The following NRBP2 variants were observed in gnomAD, a reference collection of about 807,000 sequenced individuals.
NRBP2 encodes the protein nuclear receptor-binding protein 2.
In NRBP2, 47 loss-of-function variants were observed where a neutral mutation model predicts 74.4. That is an observed-to-expected ratio of 0.63 (90% CI 0.50 to 0.81). The LOEUF (loss-of-function observed/expected upper bound fraction) is 0.81. Among genes scored for constraint, NRBP2 ranks in the 30% least tolerant of loss-of-function variants. The pLI, the probability that NRBP2 is intolerant of heterozygous loss-of-function variation, is 0.00. For missense variants in NRBP2, 613 were observed against 690.1 expected (o/e 0.89, Z 1.25); for synonymous variants, 312 against 273.8 (o/e 1.14, Z -1.38).
At chr8:143,832,853 AT>A (rs1268955456), downstream of NRBP2, among the ~76,000 whole-genome samples, 2 of 152,058 alleles carry the variant, frequency 1.3e-5, no homozygotes, top group African/African-American at 4.8e-5. Context: ...GGGTCCCCTT[AT>A]TTCTTTCTCT....
At chr8:143,832,872 T>A (rs1269358263), downstream of NRBP2, among the ~76,000 whole-genome samples, 3 of 152,240 alleles carry the variant, frequency 2.0e-5, no homozygotes, top group African/African-American at 4.8e-5. Flanking sequence ...TCTATACTTT[T>A]GTCTCTGTGT....
chr8:143,829,806 CG>C (rs1245895345), downstream of NRBP2: 1 of 152,932 alleles, frequency 6.5e-6, no homozygotes, highest in Non-Finnish European at 1.5e-5. Flanking sequence ...TCCCTGGGAC[CG>C]GGAGGCCCCG....
chr8:143,831,948 C>T (rs1281951257), downstream of NRBP2, among the ~76,000 whole-genome samples: 2 of 152,226 alleles, frequency 1.3e-5, no homozygotes, highest in Non-Finnish European at 2.9e-5. Flanking sequence ...CTTTTTGTAG[C>T]TAGTCGCACT....
intron 10 of NRBP2, 49 bp downstream of exon 10, chr8:143,838,631 T>G: frequency 7.1e-7 from 1 of 1,406,554 alleles, no homozygotes; most frequent in Non-Finnish European, 9.9e-7. Flanking sequence ...TTGCTAGCCC[T>G]AGCTGAGCAC....
rs782382732 is a variant in NRBP2, at chr8:143,836,016, C to T, written c.1332G>A (p.Leu444=). ...DKARWHLTLL[L]VLEDRLHRQL... The stretch of plus-strand genomic sequence containing the variant: ...GCCGGTGCAGCCGGTCTTCCAGCAC[C>T]AGAAGCAGAGTGAGCTGGGGAGGCG... Residue 444 remains leucine, a synonymous_variant, in exon 16 of 18, where the codon CTG becomes CTA. Transcript: ENST00000442628. 1.9e-6 allele frequency: 3 copies of T among 1,575,890 alleles called. No individual in the cohort carries two copies. The highest frequency in any genetic ancestry group is 3.5e-5 in the Admixed American group (2 of 56,530).
Position 143,840,258 on chromosome 8 carries a change from C to T in NRBP2, c.130-29G>A, listed in dbSNP as rs1818636042. 6.5e-7 allele frequency: 1 copy of T among 1,535,324 alleles called. No individual in the cohort carries two copies. The highest frequency in any genetic ancestry group is 8.7e-7 in the Non-Finnish European group (1 of 1,146,468). ...GGGGTGAATAAAGGGTTATGTGTGC[C>T]CTGGTGTGTGTCAGGGTTGTGGGTG... On this transcript the variant is annotated intron_variant, in intron 1 of 17. Transcript: ENST00000442628. The surrounding 1 kb of genome is among the most constrained non-coding windows in gnomAD (Gnocchi z 5.7).
chr8:143,839,300 T>C lies in NRBP2; in HGVS notation c.580+14A>G. Reference sequence around the variant, plus strand: ...CCTGCCCCGTTCCCCCACCCAGCCCTGCCCCGCCAGCACCGGAGCCGATCT... The same window carrying C: ...CCTGCCCCGTTCCCCCACCCAGCCCCGCCCCGCCAGCACCGGAGCCGATCT... On this transcript the variant is annotated intron_variant, in intron 6 of 17. Coordinates refer to ENST00000442628, the MANE Select transcript of NRBP2 (RefSeq NM_178564.4). The surrounding 1 kb of genome is among the most constrained non-coding windows in gnomAD (Gnocchi z 5.1). The C allele has an allele frequency of 2.3e-6, 2 of 856,870 alleles. No homozygotes were observed. Among genetic ancestry groups the C allele is most frequent in the Non-Finnish European group, 3.4e-6 (2 of 584,976 alleles). 53.1% of individuals were successfully genotyped at this position (856,870 alleles called of 1,614,324 possible).
Position 143,835,232 on chromosome 8 carries a change from G to A in NRBP2, c.*430C>T. ...TGGGTCTATGGTGCCAGCAGGGGAT[G>A]GCTGCTCTCCCAGACCCCATGGAGC... is the stretch of plus-strand genomic sequence containing the variant. On this transcript the variant is annotated 3_prime_UTR_variant, in exon 18 of 18. Transcript: ENST00000442628. The surrounding 1 kb of genome is among the most constrained non-coding windows in gnomAD (Gnocchi z 4.9). 2 of 210,352 alleles carry A rather than the reference G, an allele frequency of 9.5e-6. No homozygotes were observed. The highest frequency in any genetic ancestry group is 1.3e-4 in the South Asian group (2 of 15,008). 13.0% of individuals were successfully genotyped at this position (210,352 alleles called of 1,614,324 possible). A position where few individuals can be genotyped will look rare whatever the true frequency, so the allele number is the denominator to read the frequency against.
chr8:143,838,565 G>A lies in NRBP2; in HGVS notation c.840+115C>T, dbSNP rs1554652529. On this transcript the variant is annotated intron_variant, in intron 10 of 17. Transcript: ENST00000442628. Reference sequence around the variant, plus strand: ...CTCTTTGGGAGGGGTGCAGTCAGCTGGTATACCCCTCAACTGCACAAACTG... The same window carrying A: ...CTCTTTGGGAGGGGTGCAGTCAGCTAGTATACCCCTCAACTGCACAAACTG... 7.9e-6 allele frequency: 6 copies of A among 755,234 alleles called. No homozygotes were observed. The African/African-American group carries it at 8.6e-5, about 11-fold the overall frequency. The allele number at this position is 755,234 out of a possible 1,614,324, so 46.8% of individuals were successfully genotyped here. A position where few individuals can be genotyped will look rare whatever the true frequency, so the allele number is the denominator to read the frequency against.
rs1554652973 is a variant in NRBP2, at chr8:143,839,420, G to A, written c.486-12C>T. 6.4e-7 allele frequency: 1 copy of A among 1,554,122 alleles called. No homozygotes were observed. Among genetic ancestry groups the A allele is most frequent in the South Asian group, 1.2e-5 (1 of 85,430 alleles). On this transcript the variant is annotated splice_polypyrimidine_tract_variant and intron_variant, in intron 5 of 17. Coordinates refer to ENST00000442628, the MANE Select transcript of NRBP2 (RefSeq NM_178564.4). The surrounding 1 kb of genome is among the most constrained non-coding windows in gnomAD (Gnocchi z 5.1). ...AGGCGTGCAGGAAGCTGCAGACGTTGGGGAGGGGAGAGTAGGAGGAGCCGG... is the reference window on the plus strand; with the variant it reads ...AGGCGTGCAGGAAGCTGCAGACGTTAGGGAGGGGAGAGTAGGAGGAGCCGG...
chr8:143,837,707 C>G lies in NRBP2; in HGVS notation c.889G>C (p.Ala297Pro). ...LARDPARRPSAHSLLFHRVLF... is the reference protein window; with the variant it reads ...LARDPARRPSPHSLLFHRVLF... ...ACGCGGTGGAAGAGGAGGCTGTGGG[C>G]AGAGGGCCGGCGGGCAGGGTCCCGG... Residue 297 changes from alanine (A) to proline (P), a missense_variant, in exon 11 of 18, where the codon GCC becomes CCC. Physicochemically the swap from Ala to Pro is conservative, Grantham distance 27. Transcript: ENST00000442628. This position sits in a 1 kb window ranked among gnomAD's most constrained non-coding sequence, Gnocchi z 4.3. 2 of 1,568,050 alleles carry G rather than the reference C, an allele frequency of 1.3e-6. No homozygotes were observed. The highest frequency in any genetic ancestry group is 1.7e-6 in the Non-Finnish European group (2 of 1,156,034).
chr8:143,835,316 G>C lies in NRBP2; in HGVS notation c.*346C>G. On this transcript the variant is annotated 3_prime_UTR_variant, in exon 18 of 18. Coordinates refer to ENST00000442628, the MANE Select transcript of NRBP2 (RefSeq NM_178564.4). This position sits in a 1 kb window ranked among gnomAD's most constrained non-coding sequence, Gnocchi z 4.9. ...CCTCACCCCCAAGCCCCAGAGCTGGGGTTCCCTACAGGGCAGCCTCCTGCA... is the reference window on the plus strand; with the variant it reads ...CCTCACCCCCAAGCCCCAGAGCTGGCGTTCCCTACAGGGCAGCCTCCTGCA... 2.5e-6 allele frequency: 1 copy of C among 403,426 alleles called. No homozygotes were observed. 25.0% of individuals were successfully genotyped at this position (403,426 alleles called of 1,614,324 possible).
Position 143,840,718 on chromosome 8 carries a change from C to A in NRBP2, c.117G>T (p.Lys39Asn). The change falls in exon 1 of 18, where the codon AAG becomes AAT. Residue 39 changes from lysine to asparagine, a missense_variant. Transcript: ENST00000442628. This position sits in a 1 kb window ranked among gnomAD's most constrained non-coding sequence, Gnocchi z 5.7. ...CCCCCGCGCCCACCTGCTCCCGTCGCTTTTGCCAGCGACCACACGGGCTTT... is the reference window on the plus strand; with the variant it reads ...CCCCCGCGCCCACCTGCTCCCGTCGATTTTGCCAGCGACCACACGGGCTTT... The part of the protein sequence containing the change: ...LEESPCGRWQ[K>N]RREQVNQGNM... The A allele has an allele frequency of 6.6e-7, 1 of 1,509,932 alleles. No homozygotes were observed. Among genetic ancestry groups the A allele is most frequent in the Non-Finnish European group, 8.8e-7 (1 of 1,134,638 alleles). The allele number at this position is 1,509,932 out of a possible 1,614,324, so 93.5% of individuals were successfully genotyped here. A position where few individuals can be genotyped will look rare whatever the true frequency, so the allele number is the denominator to read the frequency against.
rs781970600 is a variant in NRBP2, at chr8:143,838,951, G to A, written c.689-13C>T. ...CCATCGGCCACCTCTGAACAGAAGA[G>A]AGCACAGGACACGTAGGAGAGAAGC... On this transcript the variant is annotated splice_polypyrimidine_tract_variant and intron_variant, in intron 8 of 17. Coordinates refer to ENST00000442628, the MANE Select transcript of NRBP2 (RefSeq NM_178564.4). 71 of 1,598,816 alleles carry A rather than the reference G, an allele frequency of 4.4e-5. No homozygotes were observed. The highest frequency in any genetic ancestry group is 6.0e-5 in the Non-Finnish European group (70 of 1,172,546).
In NRBP2 at chr8:143,840,167, C is replaced by T. The variant is rs1205330340; in HGVS notation, c.192G>A (p.Gly64=). 2.0e-6 allele frequency: 3 copies of T among 1,536,160 alleles called. No homozygotes were observed. Among genetic ancestry groups the T allele is most frequent in the Non-Finnish European group, 2.6e-6 (3 of 1,146,906 alleles). The part of the protein sequence containing the change: ...STFLAMDTEE[G]VEVVWNELHF... ...GGAGCTCGTTCCACACCACCTCTACCCCCTCCTCCGTGTCCATGGCTAGGA... is the reference window on the plus strand; with the variant it reads ...GGAGCTCGTTCCACACCACCTCTACTCCCTCCTCCGTGTCCATGGCTAGGA... The change falls in exon 2 of 18, where the codon GGG becomes GGA. Residue 64 remains glycine (G), a synonymous_variant. Transcript: ENST00000442628. This position sits in a 1 kb window ranked among gnomAD's most constrained non-coding sequence, Gnocchi z 5.7.
In NRBP2 at chr8:143,836,046, G is replaced by C. The variant is rs1381365652; in HGVS notation, c.1318-16C>G. ...GCAGAGTGAGCTGGGGAGGCGGCGG[G>C]GCGTGGTCGGCTGGGGGTTCAGGGC... On this transcript the variant is annotated splice_polypyrimidine_tract_variant and intron_variant, in intron 15 of 17. Transcript: ENST00000442628. The C allele has an allele frequency of 2.8e-5, 44 of 1,562,826 alleles. No homozygotes were observed. The highest frequency in any genetic ancestry group is 3.7e-5 in the Non-Finnish European group (43 of 1,157,216).
In NRBP2 at chr8:143,837,205, A is replaced by T. The variant is rs1013606084; in HGVS notation, c.1128-31T>A. 1.9e-6 allele frequency: 3 copies of T among 1,613,876 alleles called. No individual in the cohort carries two copies. The highest frequency in any genetic ancestry group is 2.5e-6 in the Non-Finnish European group (3 of 1,179,962). On this transcript the variant is annotated intron_variant, in intron 13 of 17. Coordinates refer to ENST00000442628, the MANE Select transcript of NRBP2 (RefSeq NM_178564.4). The surrounding 1 kb of genome is among the most constrained non-coding windows in gnomAD (Gnocchi z 4.3). ...GACACAACAGGGTGGCTGGGGGTTC[A>T]GGCCTGACAGCTGCCTGGCCCCCAA...
downstream of NRBP2, among the ~76,000 whole-genome samples, chr8:143,832,365 G>A (rs1249688214): frequency 2.0e-5 from 3 of 152,024 alleles, no homozygotes; most frequent in Admixed American, 6.6e-5. Context: ...ATATGGCCTC[G>A]TGGGATGGGA....
rs1433988991 is a variant in NRBP2 at position 143,840,725 on chromosome 8, C to T, written c.110G>A (p.Trp37Ter). 2 of 1,511,162 alleles carry T rather than the reference C, an allele frequency of 1.3e-6. No individual in the cohort carries two copies. Among genetic ancestry groups the T allele is most frequent in the East Asian group, 5.3e-5 (2 of 37,706 alleles). The allele number at this position is 1,511,162 out of a possible 1,614,324, so 93.6% of individuals were successfully genotyped here. Residue 37 changes from tryptophan (W) to a stop codon, truncating the protein, a stop_gained, in exon 1 of 18, where the codon TGG (tryptophan) becomes TAG (stop). Coordinates refer to ENST00000442628, the MANE Select transcript of NRBP2 (RefSeq NM_178564.4). LOFTEE classifies it high-confidence loss of function. The surrounding 1 kb of genome is among the most constrained non-coding windows in gnomAD (Gnocchi z 5.7). ...GCCCACCTGCTCCCGTCGCTTTTGC[C>T]AGCGACCACACGGGCTTTCCTCCAG... ...DILEESPCGR[W>*]QKRREQVNQG...
Sources: gnomAD v4.1 joint callset for allele counts (sites outside exome capture counted in the v4.1 genomes callset) on GRCh38, gnomAD v4.1.1 for gene constraint, Gnocchi (gnomAD v3.1) non-coding constraint, MANE v1.5 for transcripts, NCBI Gene and HGNC (gene_info 2026-07-23, HGNC 2026-07-21) for gene names.